The following CUX1 variants were observed in gnomAD, a reference collection of about 807,000 sequenced individuals.
CUX1 encodes the protein cut like homeobox 1, also known as protein CASP.
Under a neutral mutation model 158.8 loss-of-function variants are expected in CUX1, and 31 were observed. The ratio of observed to expected loss-of-function variants is 0.20; its 90% CI spans 0.15 to 0.26. The LOEUF is 0.26. Among genes scored for constraint, CUX1 ranks in the 10% least tolerant of loss-of-function variants. CUX1 has a pLI of 1.00. For synonymous variants in CUX1, 879 were observed against 862.1 expected (o/e 1.02, Z -0.34); for missense variants, 1,589 against 2,014.6 (o/e 0.79, Z 4.04).
chr7:102,252,512 C>G lies in CUX1; in HGVS notation c.*3470C>G. The G allele has an allele frequency of 3.0e-6, 3 of 985,472 alleles. No individual in the cohort carries two copies. In the South Asian group the frequency reaches 1.4e-4, roughly 46 times the overall value. The allele number at this position is 985,472 out of a possible 1,614,324, so 61.0% of individuals were successfully genotyped here. ...TCCATTATGCCATTTTAAATGGCTT[C>G]TTTTTGTTAATTGGAGGCATTGTTC... On this transcript the variant is annotated 3_prime_UTR_variant, in exon 24 of 24. Coordinates refer to ENST00000292535, the MANE Select transcript of CUX1 (RefSeq NM_181552.4).
intron 14 of CUX1, among the ~76,000 whole-genome samples, chr7:102,265,509 C>G (rs1790738100): frequency 1.3e-5 from 2 of 152,034 alleles, no homozygotes; most frequent in Admixed American, 1.3e-4. Flanking sequence ...ATAATCATCG[C>G]TCACTGCAGC....
chr7:102,202,130 A>G lies in CUX1; in HGVS notation c.2833A>G (p.Thr945Ala). The change falls in exon 18 of 24, where the codon ACC (threonine) becomes GCC (alanine). Residue 945 changes from threonine to alanine, a missense_variant. Transcript: ENST00000292535. ...YEVYMYQEVD[T>A]IELTRQVKEK... Reference sequence around the variant, plus strand: ...GGTCTACATGTACCAGGAGGTGGACACCATCGAGCTCACCCGGCAGGTTAA... The same window carrying G: ...GGTCTACATGTACCAGGAGGTGGACGCCATCGAGCTCACCCGGCAGGTTAA... 1 of 1,614,082 alleles carries G rather than the reference A, an allele frequency of 6.2e-7. No individual in the cohort carries two copies. Among genetic ancestry groups the G allele is most frequent in the Non-Finnish European group, 8.5e-7 (1 of 1,179,966 alleles).
intron 5 of CUX1, among the ~76,000 whole-genome samples, 157 bp downstream of exon 5, chr7:102,097,658 A>C (rs1829341562): frequency 6.6e-6 from 1 of 152,100 alleles, no homozygotes; most frequent in East Asian, 1.9e-4. Context: ...TTAAAGAGAG[A>C]TGATAATCAT....
intron 2 of CUX1, among the ~76,000 whole-genome samples, chr7:102,017,096 G>A (rs1818694420): frequency 6.6e-6 from 1 of 152,110 alleles, no homozygotes; most frequent in South Asian, 2.1e-4. Flanking sequence ...CTGAGGTCAG[G>A]AGTTTGAGAC....
rs1789717332 is a variant in CUX1, at chr7:102,254,842, A to G, written c.*5800A>G. 2.0e-6 allele frequency: 2 copies of G among 985,294 alleles called. No individual in the cohort carries two copies. Among genetic ancestry groups the G allele is most frequent in the African/African-American group, 3.5e-5 (2 of 57,204 alleles). 61.0% of individuals were successfully genotyped at this position (985,294 alleles called of 1,614,324 possible). ...GGCCGGCACACTCGAACGCTAAGAG[A>G]ATGGTCCAATTTGATGATCTTATTT... On this transcript the variant is annotated 3_prime_UTR_variant, in exon 24 of 24. Coordinates refer to ENST00000292535, the MANE Select transcript of CUX1 (RefSeq NM_181552.4).
At chr7:102,172,425 G>A (rs1418734891) in intron 10 of CUX1, among the ~76,000 whole-genome samples, 5 of 151,376 alleles carry the variant, frequency 3.3e-5, no homozygotes, top group South Asian at 2.1e-4. Flanking sequence ...ATCATGGCTC[G>A]CTGTAGCCTT....
intron 5 of CUX1, among the ~76,000 whole-genome samples, chr7:102,102,197 C>T (rs1829849808): frequency 6.6e-6 from 1 of 151,964 alleles, no homozygotes; most frequent in South Asian, 2.1e-4. Context: ...TGGTGGAATT[C>T]CACCTCTCTA....
chr7:102,239,612 C>T (rs1219843833), intron 23 of CUX1, 28 bp downstream of exon 23: 10 of 1,599,210 alleles, frequency 6.3e-6, no homozygotes, highest in Non-Finnish European at 8.5e-6. Context: ...CAGGGAGCGC[C>T]GGTCGGCCCA....
intron 5 of CUX1, among the ~76,000 whole-genome samples, 165 bp downstream of exon 5, chr7:102,097,666 C>G (rs1472565964): frequency 6.6e-6 from 1 of 151,716 alleles, no homozygotes; most frequent in African/African-American, 2.4e-5. Flanking sequence ...AGATGATAAT[C>G]ATGCTGAGCT....
At chr7:102,161,308 A>G (rs1790408699) in intron 9 of CUX1, 1 of 152,234 alleles carries the variant, frequency 6.6e-6, no homozygotes, top group South Asian at 2.1e-4. Context: ...TGATTGCACC[A>G]CTGCACCCCA....
rs1013695177 is a variant in CUX1, at chr7:102,131,154, A to G, written c.674+15881A>G. On this transcript the variant is annotated intron_variant, in intron 8 of 23. Coordinates refer to ENST00000292535, the MANE Select transcript of CUX1 (RefSeq NM_181552.4). The stretch of plus-strand genomic sequence containing the variant: ...CTCCAGTTTGTAGGATTTAATGAAT[A>G]TATAGATGACCGGCTGTTCTGCGGT... Among the ~76,000 whole-genome samples the G allele has an allele frequency of 6.6e-5, 10 of 152,004 alleles. No homozygotes were observed. The South Asian group carries it at 8.3e-4, about 13-fold the overall frequency.
chr7:101,893,532 G>C (rs6978597), intron 1 of CUX1, among the ~76,000 whole-genome samples: 3,716 of 152,212 alleles, frequency 0.024, 137 homozygotes, highest in African/African-American at 0.081. Flanking sequence ...TGCCCCCTGC[G>C]AGCGTTCTTT....
chr7:102,181,260 G>A (rs1482110643), intron 11 of CUX1, among the ~76,000 whole-genome samples: 2 of 151,962 alleles, frequency 1.3e-5, no homozygotes, highest in African/African-American at 2.4e-5. Context: ...TGTCACCGCC[G>A]TTTCTTCCTC....
chr7:102,160,776 G>C (rs1790341695), intron 9 of CUX1, among the ~76,000 whole-genome samples: 1 of 152,168 alleles, frequency 6.6e-6, no homozygotes, highest in Non-Finnish European at 1.5e-5. Context: ...GTGACTGCCA[G>C]GGACGAGGAG....
At chr7:101,860,737 C>T (rs942266920) in intron 1 of CUX1, among the ~76,000 whole-genome samples, 19 of 78,066 alleles carry the variant, frequency 2.4e-4, no homozygotes, top group Non-Finnish European at 4.0e-4. Context: ...CCCTTCCTCC[C>T]TTCCTTCCTT....
chr7:101,824,126 C>T (rs1054144257), intron 1 of CUX1, among the ~76,000 whole-genome samples: 4 of 152,214 alleles, frequency 2.6e-5, no homozygotes, highest in South Asian at 4.1e-4. Context: ...CTCACTCTGT[C>T]GCCCAGCCTG....
chr7:102,020,750 G>A (rs542317152), intron 2 of CUX1, among the ~76,000 whole-genome samples: 2 of 152,116 alleles, frequency 1.3e-5, no homozygotes, highest in Non-Finnish European at 2.9e-5. Flanking sequence ...CATGGTGGCG[G>A]GCGCCTGTAA....
intron 2 of CUX1, among the ~76,000 whole-genome samples, chr7:101,965,195 C>T (rs1045877770): frequency 9.2e-5 from 14 of 152,272 alleles, no homozygotes; most frequent in African/African-American, 2.9e-4. Flanking sequence ...TCCCTAACAC[C>T]GCTTTGCAGT....
intron 3 of CUX1, among the ~76,000 whole-genome samples, chr7:102,047,991 T>C: frequency 6.6e-6 from 1 of 152,062 alleles, no homozygotes; most frequent in East Asian, 1.9e-4. Context: ...CCATGTCTCG[T>C]CCCTCCCCCA....
Sources: allele counts gnomAD v4.1 joint callset (sites outside exome capture counted in the v4.1 genomes callset), GRCh38; gene constraint gnomAD v4.1.1; transcripts MANE v1.5; gene names NCBI Gene and HGNC (gene_info 2026-07-23, HGNC 2026-07-21).